Variants in TENM4 observed in about 807,000 individuals in gnomAD.
TENM4 encodes the protein teneurin-4.
A neutral mutation model predicts 243.3 loss-of-function variants in TENM4; 82 were observed. The ratio of observed to expected loss-of-function variants is 0.34; its 90% CI spans 0.28 to 0.40. TENM4 has a LOEUF of 0.40. Ranked by LOEUF, TENM4 falls within the 10% of genes least tolerant of loss-of-function variation. The pLI, the probability that TENM4 is intolerant of heterozygous loss-of-function variation, is 1.00. For missense variants in TENM4, 3,138 were observed against 3,673.3 expected (o/e 0.85, Z 3.77); for synonymous variants, 1,412 against 1,456.3 (o/e 0.97, Z 0.69).
intron 4 of TENM4, chr11:79,093,108 G>C (rs535336006): frequency 2.6e-4 from 39 of 152,300 alleles, no homozygotes; most frequent in African/African-American, 9.4e-4. Flanking sequence ...GCTAACACAA[G>C]CCAAATTTTG....
At chr11:79,397,105 T>C (rs1858361043) in intron 1 of TENM4, among the ~76,000 whole-genome samples, 1 of 152,070 alleles carries the variant, frequency 6.6e-6, no homozygotes, top group Admixed American at 6.6e-5. Context: ...GCTTGACGTG[T>C]TAGGGCAGAA....
At chr11:79,406,733 A>T (rs1378042628) in intron 1 of TENM4, among the ~76,000 whole-genome samples, 2 of 152,108 alleles carry the variant, frequency 1.3e-5, no homozygotes, top group Non-Finnish European at 2.9e-5. Context: ...CAGAATGGAG[A>T]ATCTAGGTCT....
At chr11:78,950,004 G>A (rs1857080856) in intron 6 of TENM4, among the ~76,000 whole-genome samples, 1 of 152,034 alleles carries the variant, frequency 6.6e-6, no homozygotes, top group Admixed American at 6.5e-5. Flanking sequence ...GGCGGGGGGT[G>A]CATCAATGGA....
Position 79,064,990 on chromosome 11 carries a change from G to T in TENM4, c.241C>A (p.Arg81=). Residue 81 remains arginine, a synonymous_variant, in exon 6 of 34, where the codon CGG becomes AGG. Transcript: ENST00000278550. ...GTTACTTCTTCCAGCCCCAGCTCCC[G>T]CAGGGTGAAGTTGGCACCTGGGAGG... The part of the protein sequence containing the change: ...FCRTGANFTL[R]ELGLEEVTPP... 8 of 1,462,034 alleles carry T rather than the reference G, an allele frequency of 5.5e-6. No homozygotes were observed. Among genetic ancestry groups the T allele is most frequent in the South Asian group, 1.4e-5 (1 of 69,424 alleles). The allele number at this position is 1,462,034 out of a possible 1,614,324, so 90.6% of individuals were successfully genotyped here. A position where few individuals can be genotyped will look rare whatever the true frequency, so the allele number is the denominator to read the frequency against.
At chr11:79,207,202 G>T (rs968148667) in intron 3 of TENM4, among the ~76,000 whole-genome samples, 1 of 152,168 alleles carries the variant, frequency 6.6e-6, no homozygotes, top group African/African-American at 2.4e-5. Context: ...CAGGCTCAAG[G>T]TATCCAAAGG....
intron 26 of TENM4, among the ~76,000 whole-genome samples, chr11:78,711,218 G>A (rs534861068): frequency 2.8e-4 from 43 of 152,308 alleles, no homozygotes; most frequent in African/African-American, 1.0e-3. Context: ...CCAGGTATGT[G>A]GTAGAGACAA....
chr11:78,857,053 T>C (rs1468533158), intron 10 of TENM4, among the ~76,000 whole-genome samples: 1 of 151,532 alleles, frequency 6.6e-6, no homozygotes, highest in Admixed American at 6.6e-5. Context: ...ACTCCTTCTA[T>C]TTAGTAATTA....
At chr11:79,328,821 C>T (rs925142114) in intron 1 of TENM4, among the ~76,000 whole-genome samples, 1 of 152,040 alleles carries the variant, frequency 6.6e-6, no homozygotes, top group South Asian at 2.1e-4. Context: ...GGTAACATAG[C>T]ACCTCACAGT....
intron 1 of TENM4, among the ~76,000 whole-genome samples, chr11:79,394,216 C>A (rs1858294530): frequency 1.3e-5 from 2 of 152,198 alleles, no homozygotes; most frequent in Non-Finnish European, 2.9e-5. Context: ...GGGTGAGCTT[C>A]TGAATGCAAT....
chr11:78,687,131 C>T (rs1018995351), intron 29 of TENM4, among the ~76,000 whole-genome samples: 3 of 152,162 alleles, frequency 2.0e-5, no homozygotes, highest in Admixed American at 6.5e-5. Flanking sequence ...AGAAGAGTGA[C>T]CCCAGCCAGT....
At chr11:79,107,342 C>T (rs1861397810) in intron 4 of TENM4, among the ~76,000 whole-genome samples, 2 of 152,104 alleles carry the variant, frequency 1.3e-5, no homozygotes, top group South Asian at 4.1e-4. Flanking sequence ...AACAGACGAT[C>T]CCCTCTGTGA....
At chr11:79,220,387 T>G (rs547206615) in intron 2 of TENM4, among the ~76,000 whole-genome samples, 1 of 152,230 alleles carries the variant, frequency 6.6e-6, no homozygotes, top group South Asian at 2.1e-4. Context: ...GGAAGCAGAG[T>G]GGGGCTGAAT....
At chr11:79,024,517 T>C (rs1021335766) in intron 6 of TENM4, among the ~76,000 whole-genome samples, 1 of 152,208 alleles carries the variant, frequency 6.6e-6, no homozygotes, top group African/African-American at 2.4e-5. Flanking sequence ...AGATTTAATA[T>C]ATAGAAAATT....
Position 79,152,094 on chromosome 11 carries a change from T to A in TENM4, c.-162-3288A>T, listed in dbSNP as rs554100131. Among the ~76,000 whole-genome samples, 6 of 152,202 alleles carry A rather than the reference T, an allele frequency of 3.9e-5. No individual in the cohort carries two copies. In the South Asian group the frequency reaches 1.2e-3, roughly 32 times the overall value. ...AAATAAACATAAAATCCTTCCATCCTCTCTCCACTCCTCAAAATTGAGGAC... is the reference window on the plus strand; with the variant it reads ...AAATAAACATAAAATCCTTCCATCCACTCTCCACTCCTCAAAATTGAGGAC... On this transcript the variant is annotated intron_variant, in intron 3 of 33. Coordinates refer to ENST00000278550, the MANE Select transcript of TENM4 (RefSeq NM_001098816.3).
At chr11:79,348,370 T>C (rs1192417827) in intron 1 of TENM4, among the ~76,000 whole-genome samples, 2 of 152,198 alleles carry the variant, frequency 1.3e-5, no homozygotes, top group Non-Finnish European at 2.9e-5. Context: ...ATCTCCTTCA[T>C]TGGTATCCCA....
At chr11:79,307,189 A>G (rs955643378) in intron 1 of TENM4, among the ~76,000 whole-genome samples, 2 of 152,118 alleles carry the variant, frequency 1.3e-5, no homozygotes, top group Admixed American at 1.3e-4. Context: ...AGGCTCAGAG[A>G]GGCAATGTGA....
At chr11:78,777,064 A>G (rs1056983703) in intron 17 of TENM4, among the ~76,000 whole-genome samples, 11 of 152,124 alleles carry the variant, frequency 7.2e-5, no homozygotes, top group Admixed American at 6.5e-4. Context: ...AAAAAATCAC[A>G]TGACTCACCT....
At chr11:79,407,710 C>G (rs757217101) in intron 1 of TENM4, among the ~76,000 whole-genome samples, 1 of 152,032 alleles carries the variant, frequency 6.6e-6, no homozygotes, top group Non-Finnish European at 1.5e-5. Context: ...AAATTTTAAC[C>G]TCCTTCAAAG....
At chr11:79,354,276 C>G (rs1257339894) in intron 1 of TENM4, among the ~76,000 whole-genome samples, 1 of 152,174 alleles carries the variant, frequency 6.6e-6, no homozygotes, top group Non-Finnish European at 1.5e-5. Flanking sequence ...TCGGGGAAGG[C>G]AGAGCTGGCT....
Sources: gnomAD v4.1 joint callset for allele counts (sites outside exome capture counted in the v4.1 genomes callset) on GRCh38, gnomAD v4.1.1 for gene constraint, MANE v1.5 for transcripts, NCBI Gene and HGNC (gene_info 2026-07-23, HGNC 2026-07-21) for gene names.